The following KCNQ3 variants were observed in gnomAD, a reference collection of about 807,000 sequenced individuals.
KCNQ3 encodes potassium voltage-gated channel subfamily KQT member 3.
KCNQ3 carries 30 observed loss-of-function variants against 92.5 expected under a neutral mutation model. The observed-to-expected ratio is 0.32, with a 90% confidence interval of 0.24 to 0.44. The LOEUF (loss-of-function observed/expected upper bound fraction) is 0.44. Among genes scored for constraint, KCNQ3 ranks in the 20% least tolerant of loss-of-function variants. The pLI is 1.00. For synonymous variants in KCNQ3, 450 were observed against 468.8 expected (o/e 0.96, Z 0.52); for missense variants, 913 against 1,140.3 (o/e 0.80, Z 2.87).
intron 1 of KCNQ3, among the ~76,000 whole-genome samples, chr8:132,368,102 T>C (rs1819373854): frequency 6.6e-6 from 1 of 152,230 alleles, no homozygotes; most frequent in South Asian, 2.1e-4. Flanking sequence ...AAGTTCTCAG[T>C]TCTTGGAAAC....
intron 1 of KCNQ3, among the ~76,000 whole-genome samples, chr8:132,364,718 TGGAC>T (rs1819268591): frequency 6.6e-6 from 1 of 151,414 alleles, no homozygotes; most frequent in Non-Finnish European, 1.5e-5. Flanking sequence ...GATGGATGGA[TGGAC>T]GATGAATGGA....
intron 1 of KCNQ3, among the ~76,000 whole-genome samples, chr8:132,453,349 C>T (rs989882157): frequency 6.6e-6 from 1 of 152,090 alleles, no homozygotes; most frequent in Non-Finnish European, 1.5e-5. Context: ...CTCTGGCTGC[C>T]GGTTGGAGAA....
Position 132,162,275 on chromosome 8 carries a change from G to C in KCNQ3, c.1262+1193C>G, listed in dbSNP as rs528247760. On this transcript the variant is annotated intron_variant, in intron 9 of 14. Transcript: ENST00000388996. ...TTTTCTTCATGTCTGTATAGAAAAGGCTCTAAAGGTAGATTTAATAATTCA... is the reference window on the plus strand; with the variant it reads ...TTTTCTTCATGTCTGTATAGAAAAGCCTCTAAAGGTAGATTTAATAATTCA... Among the ~76,000 whole-genome samples, 421 of 149,978 alleles carry C rather than the reference G, an allele frequency of 2.8e-3. 14 individuals are homozygous for C. The highest frequency in any genetic ancestry group is 0.027 in the Admixed American group (407 of 15,248).
intron 1 of KCNQ3, chr8:132,187,197 C>A (rs778818750): frequency 1.3e-4 from 59 of 455,858 alleles, no homozygotes; most frequent in African/African-American, 1.1e-3. Context: ...TAGGTTCTAC[C>A]CATGCTTTTT....
intron 1 of KCNQ3, among the ~76,000 whole-genome samples, chr8:132,284,710 A>G (rs1334393547): frequency 1.3e-5 from 2 of 152,300 alleles, no homozygotes; most frequent in African/African-American, 4.8e-5. Context: ...AAAATTAGAC[A>G]CCTAGGGTGG....
intron 1 of KCNQ3, among the ~76,000 whole-genome samples, chr8:132,213,870 T>C (rs1048158928): frequency 6.6e-6 from 1 of 152,178 alleles, no homozygotes; most frequent in African/African-American, 2.4e-5. Flanking sequence ...CATGAGAAAT[T>C]TGTCATGAGT....
chr8:132,211,206 G>A (rs1279820533), intron 1 of KCNQ3, among the ~76,000 whole-genome samples: 3 of 152,210 alleles, frequency 2.0e-5, no homozygotes, highest in Admixed American at 2.0e-4. Flanking sequence ...TGATATACAA[G>A]TATTGCCATT....
chr8:132,199,185 A>C (rs1374723218), intron 1 of KCNQ3, among the ~76,000 whole-genome samples: 1 of 152,192 alleles, frequency 6.6e-6, no homozygotes, highest in Non-Finnish European at 1.5e-5. Context: ...ATCTTGCAAG[A>C]AAAATAATAA....
chr8:132,275,908 C>A (rs1167493980), intron 1 of KCNQ3, among the ~76,000 whole-genome samples: 1 of 152,200 alleles, frequency 6.6e-6, no homozygotes, highest in Non-Finnish European at 1.5e-5. Context: ...CTCATTCCCA[C>A]CGGCCTGGAG....
At chr8:132,458,362 C>A (rs1476901535) in intron 1 of KCNQ3, among the ~76,000 whole-genome samples, 1 of 152,264 alleles carries the variant, frequency 6.6e-6, no homozygotes, top group East Asian at 1.9e-4. Context: ...GGCATCCAAG[C>A]TTCCAGAACC....
intron 1 of KCNQ3, among the ~76,000 whole-genome samples, chr8:132,323,085 C>T (rs1056912820): frequency 6.6e-6 from 1 of 152,142 alleles, no homozygotes; most frequent in African/African-American, 2.4e-5. Context: ...GCTTCCTCCA[C>T]CCCAAGGAAG....
intron 1 of KCNQ3, among the ~76,000 whole-genome samples, chr8:132,279,619 A>G (rs1381703321): frequency 1.3e-5 from 2 of 152,194 alleles, no homozygotes; most frequent in Non-Finnish European, 2.9e-5. Flanking sequence ...TGAATGGTAT[A>G]TATTTTTTCT....
intron 1 of KCNQ3, among the ~76,000 whole-genome samples, chr8:132,371,871 C>T (rs973218932): frequency 6.6e-6 from 1 of 152,238 alleles, no homozygotes; most frequent in African/African-American, 2.4e-5. Context: ...ACACATTATG[C>T]CACTGCCCTT....
chr8:132,160,569 T>G (rs2130063454), intron 9 of KCNQ3, among the ~76,000 whole-genome samples: 1 of 152,336 alleles, frequency 6.6e-6, no homozygotes, highest in Admixed American at 6.5e-5. Flanking sequence ...TGTATTATAT[T>G]TATGTCATAT....
intron 1 of KCNQ3, among the ~76,000 whole-genome samples, chr8:132,335,187 C>T (rs1055131766): frequency 3.3e-5 from 5 of 151,964 alleles, no homozygotes; most frequent in African/African-American, 7.3e-5. Context: ...ACTACAGGTG[C>T]GTGCCACCAT....
At chr8:132,427,753 C>T (rs554346046) in intron 1 of KCNQ3, among the ~76,000 whole-genome samples, 4 of 152,184 alleles carry the variant, frequency 2.6e-5, no homozygotes, top group South Asian at 2.1e-4. Context: ...AGAGGAAGAC[C>T]GGGGGTAAAG....
chr8:132,197,530 C>A (rs546170109), intron 1 of KCNQ3, among the ~76,000 whole-genome samples: 3 of 152,192 alleles, frequency 2.0e-5, no homozygotes, highest in African/African-American at 7.2e-5. Flanking sequence ...CCACATGATC[C>A]TCTGGCCACA....
chr8:132,211,263 T>C (rs902131952), intron 1 of KCNQ3, among the ~76,000 whole-genome samples: 1 of 152,252 alleles, frequency 6.6e-6, no homozygotes, highest in African/African-American at 2.4e-5. Flanking sequence ...GAAAAAATTG[T>C]GCTTCAGTAG....
chr8:132,416,783 G>T (rs537217458), intron 1 of KCNQ3, among the ~76,000 whole-genome samples: 2 of 152,132 alleles, frequency 1.3e-5, no homozygotes, highest in Non-Finnish European at 2.9e-5. Context: ...CTGGGTCCAC[G>T]CTGAGAAAAG....
Sources: gnomAD v4.1 joint callset for allele counts (sites outside exome capture counted in the v4.1 genomes callset) on GRCh38, gnomAD v4.1.1 for gene constraint, MANE v1.5 for transcripts, NCBI Gene and HGNC (gene_info 2026-07-23, HGNC 2026-07-21) for gene names.